The following ADCY8 variants were observed in gnomAD, a reference collection of about 807,000 sequenced individuals.
ADCY8 encodes the protein adenylate cyclase type 8.
ADCY8 carries 51 observed loss-of-function variants against 119.7 expected under a neutral mutation model. The observed-to-expected ratio is 0.43, with a 90% CI of 0.34 to 0.54. The LOEUF (loss-of-function observed/expected upper bound fraction) is 0.54. Among genes scored for constraint, ADCY8 ranks in the 20% least tolerant of loss-of-function variants. ADCY8 has a pLI of 0.03. For missense variants in ADCY8, 1,383 were observed against 1,598.8 expected (o/e 0.87, Z 2.30); for synonymous variants, 665 against 651.0 (o/e 1.02, Z -0.33).
At chr8:130,979,853 G>A (rs1822185994) in intron 2 of ADCY8, among the ~76,000 whole-genome samples, 1 of 152,190 alleles carries the variant, frequency 6.6e-6, no homozygotes, top group African/African-American at 2.4e-5. Flanking sequence ...AAGGAGGGGA[G>A]AGAGGTAAGA....
intron 1 of ADCY8, among the ~76,000 whole-genome samples, chr8:131,024,111 A>G (rs1363235008): frequency 6.6e-6 from 1 of 152,208 alleles, no homozygotes; most frequent in Admixed American, 6.5e-5. Flanking sequence ...ATTGCCAGCA[A>G]TGGCCCAGGG....
intron 1 of ADCY8, among the ~76,000 whole-genome samples, chr8:131,036,779 C>A (rs1171254826): frequency 2.6e-5 from 4 of 151,998 alleles, no homozygotes; most frequent in Admixed American, 1.3e-4. Context: ...TTAGGAAGAG[C>A]TTGGAATATG....
At chr8:130,881,863 T>G (rs1034238456) in intron 8 of ADCY8, among the ~76,000 whole-genome samples, 34 of 144,618 alleles carry the variant, frequency 2.4e-4, no homozygotes, top group African/African-American at 6.8e-4. Context: ...TTTTTTTTTT[T>G]GTCCACATTC....
rs530805097 is a variant in ADCY8 at position 130,898,674 on chromosome 8, G to A, written c.1911+5098C>T. 4.6e-5 allele frequency among the ~76,000 whole-genome samples: 7 copies of A among 152,308 alleles called. No homozygotes were observed. In the East Asian group the frequency reaches 1.4e-3, roughly 29 times the overall value. On this transcript the variant is annotated intron_variant, in intron 7 of 17. Coordinates refer to ENST00000286355, the MANE Select transcript of ADCY8 (RefSeq NM_001115.3). ...CCACAACATACGGAAACAAATTCCA[G>A]GCTCTGAAAAGGGGCCTTGCTTCTC...
At chr8:130,791,002 G>A (rs1283632623) in intron 15 of ADCY8, among the ~76,000 whole-genome samples, 4 of 152,176 alleles carry the variant, frequency 2.6e-5, no homozygotes, top group African/African-American at 7.2e-5. Context: ...AAATTCTTGG[G>A]AACAGCATGG....
At position 131,039,630 on chromosome 8, in the gene ADCY8, T is replaced by G; in HGVS notation, c.704A>C (p.Asp235Ala). The part of the protein sequence containing the change: ...VICALVVVRK[D>A]TTSHTYLQYS... The stretch of plus-strand genomic sequence containing the variant: ...CTGCAGGTACGTGTGGGAGGTGGTG[T>G]CCTTCCTGACCACCACCAGGGCGCA... The change falls in exon 1 of 18, where the codon GAC (aspartate) becomes GCC (alanine). Residue 235 changes from aspartate (D) to alanine (A), a missense_variant. Asp to Ala is a moderately radical substitution (Grantham distance 126). This residue lies in a region of ADCY8 where 455 missense variants were observed against 435.3 expected (regional missense o/e 1.05). Coordinates refer to ENST00000286355, the MANE Select transcript of ADCY8 (RefSeq NM_001115.3). 1 of 1,614,010 alleles carries G rather than the reference T, an allele frequency of 6.2e-7. No individual in the cohort carries two copies. The highest frequency in any genetic ancestry group is 8.5e-7 in the Non-Finnish European group (1 of 1,179,998).
rs535435064 is a variant in ADCY8, at chr8:130,800,662, G to T, written c.2914-90C>A. On this transcript the variant is annotated intron_variant, in intron 14 of 17. Coordinates refer to ENST00000286355, the MANE Select transcript of ADCY8 (RefSeq NM_001115.3). Reference sequence around the variant, plus strand: ...CCTGTGCACACATGTGGGTACACACGTGCACAGTCACCCACAGAGAGACAG... The same window carrying T: ...CCTGTGCACACATGTGGGTACACACTTGCACAGTCACCCACAGAGAGACAG... The T allele has an allele frequency of 1.6e-4, 225 of 1,382,976 alleles. 1 individual carries two copies. In the African/African-American group the frequency reaches 2.7e-3, roughly 17 times the overall value. The allele number at this position is 1,382,976 out of a possible 1,614,324, so 85.7% of individuals were successfully genotyped here.
intron 7 of ADCY8, among the ~76,000 whole-genome samples, chr8:130,895,463 G>C (rs1819354514): frequency 6.6e-6 from 1 of 152,066 alleles, no homozygotes; most frequent in African/African-American, 2.4e-5. Flanking sequence ...TTCAGAGAAA[G>C]GAAGGATGAT....
intron 13 of ADCY8, among the ~76,000 whole-genome samples, chr8:130,817,297 G>A (rs1205094739): frequency 6.6e-6 from 1 of 152,156 alleles, no homozygotes; most frequent in Non-Finnish European, 1.5e-5. Flanking sequence ...GTATCACACT[G>A]TGAACTCATG....
chr8:130,812,109 G>A (rs1331787126), intron 14 of ADCY8, among the ~76,000 whole-genome samples: 1 of 152,062 alleles, frequency 6.6e-6, no homozygotes, highest in African/African-American at 2.4e-5. Context: ...ACCATCCTAG[G>A]CCTCATCACC....
chr8:131,001,400 C>T (rs1320197145), intron 1 of ADCY8, among the ~76,000 whole-genome samples: 3 of 151,910 alleles, frequency 2.0e-5, no homozygotes, highest in East Asian at 3.9e-4. Context: ...TTCCTCAGCT[C>T]CACCACCTGC....
chr8:130,957,978 G>C lies in ADCY8; in HGVS notation c.1111-5980C>G, dbSNP rs567000636. 5.4e-4 allele frequency among the ~76,000 whole-genome samples: 82 copies of C among 152,346 alleles called. 2 individuals carry two copies. The Middle Eastern group carries it at 0.017, about 32-fold the overall frequency. On this transcript the variant is annotated intron_variant, in intron 2 of 17. Transcript: ENST00000286355. ...TGCTAGGGCAGTGCAGAAGGGAAAT[G>C]TGGGGTCAGAGGCCCAACACAGAGT...
At chr8:130,808,736 G>A (rs763071870) in intron 14 of ADCY8, among the ~76,000 whole-genome samples, 4 of 152,190 alleles carry the variant, frequency 2.6e-5, no homozygotes, top group Non-Finnish European at 5.9e-5. Context: ...ATTCAGCAAG[G>A]TCGGTATTAT....
intron 2 of ADCY8, among the ~76,000 whole-genome samples, chr8:130,956,098 T>C (rs1319524403): frequency 6.6e-6 from 1 of 152,302 alleles, no homozygotes; most frequent in South Asian, 2.1e-4. Context: ...TGAGCTGTGT[T>C]TGTGCCACGG....
intron 9 of ADCY8, among the ~76,000 whole-genome samples, chr8:130,853,399 C>G (rs1311493242): frequency 6.6e-6 from 1 of 152,142 alleles, no homozygotes; most frequent in Non-Finnish European, 1.5e-5. Context: ...TCTTTTGCAG[C>G]ATCATAGTGG....
intron 14 of ADCY8, 94 bp from the exon 15 acceptor site, chr8:130,800,666 A>T (rs761268184): frequency 3.8e-6 from 5 of 1,327,954 alleles, no homozygotes; most frequent in Non-Finnish European, 5.3e-6. Context: ...ACACACGTGC[A>T]CAGTCACCCA....
At chr8:130,861,477 T>C (rs181084684) in intron 9 of ADCY8, among the ~76,000 whole-genome samples, 1 of 152,324 alleles carries the variant, frequency 6.6e-6, no homozygotes, top group East Asian at 1.9e-4. Context: ...ATTTCAAATT[T>C]CAACGTTAGA....
intron 2 of ADCY8, among the ~76,000 whole-genome samples, chr8:130,953,151 T>C (rs1048388896): frequency 3.3e-5 from 5 of 152,178 alleles, no homozygotes; most frequent in Admixed American, 1.3e-4. Context: ...AGATGAAGTT[T>C]AATACTTTTA....
chr8:130,996,539 A>G (rs1390528345), intron 1 of ADCY8, among the ~76,000 whole-genome samples: 1 of 152,156 alleles, frequency 6.6e-6, no homozygotes, highest in Non-Finnish European at 1.5e-5. Flanking sequence ...GACAATAAAA[A>G]TTGTAAAAAG....
Sources: gnomAD v4.1 joint callset for allele counts (sites outside exome capture counted in the v4.1 genomes callset) on GRCh38, gnomAD v4.1.1 for gene constraint, gnomAD v4.1.1 regional missense constraint, MANE v1.5 for transcripts, NCBI Gene and HGNC (gene_info 2026-07-23, HGNC 2026-07-21) for gene names.